Variants in CCP110 observed in about 807,000 individuals in gnomAD.
CCP110 encodes centriolar coiled-coil protein 110.
A neutral mutation model predicts 105.5 loss-of-function variants in CCP110; 43 were observed. The ratio of observed to expected loss-of-function variants is 0.41; its 90% CI spans 0.32 to 0.53. CCP110 has a LOEUF of 0.53. CCP110 is among the 20% of genes least tolerant of loss of function. CCP110 has a pLI of 0.32. For synonymous variants in CCP110, 353 were observed against 392.1 expected, an observed-to-expected ratio of 0.90 and a Z score of 1.18; for missense variants, 1,016 against 1,189.1, an observed-to-expected ratio of 0.85 and a Z score of 2.14.
exon 13 of CCP110, chr16:19,547,960 T>A: frequency 6.2e-7 from 1 of 1,609,498 alleles, no homozygotes; most frequent in Non-Finnish European, 8.5e-7. Context: ...AACAGAGTCC[T>A]TCAGCCAAAC....
exon 2 of CCP110, chr16:19,527,931 A>C: frequency 6.2e-7 from 1 of 1,613,782 alleles, no homozygotes; most frequent in Non-Finnish European, 8.5e-7. Context: ...AGAATACAAG[A>C]AGCATCACTA....
rs527360924 is a variant in CCP110 at position 19,535,399 on chromosome 16, G to A, written c.271-541G>A. ...TTTAGTTAAACTTTGGAGTAAGCAT[G>A]TAGGTGCAGGAGTCTTATTACTGAA... On this transcript the variant is annotated intron_variant, in intron 3 of 14. Coordinates refer to ENST00000381396, the Ensembl canonical transcript of CCP110. Among the ~76,000 whole-genome samples, 4 of 152,276 alleles carry A rather than the reference G, an allele frequency of 2.6e-5. No homozygotes were observed. In the South Asian group the frequency reaches 8.3e-4, roughly 32 times the overall value.
At chr16:19,536,622 C>A (rs1432314582) in exon 4 of CCP110, 1 of 1,614,154 alleles carries the variant, frequency 6.2e-7, no homozygotes. Context: ...CCAGTTTTAG[C>A]TAGCTTTTCG....
rs1280380693 is a variant in CCP110, at chr16:19,542,875, T to A, written c.2368-3T>A. 1 of 1,587,630 alleles carries A rather than the reference T, an allele frequency of 6.3e-7. No homozygotes were observed. ...AACATTGTGTCTGTCTTCTTTCTCC[T>A]AGGTTTTTAGTCTGGAAATACAAGC... On this transcript the variant is annotated splice_polypyrimidine_tract_variant and splice_region_variant and intron_variant, in intron 7 of 14. Coordinates refer to ENST00000381396, the Ensembl canonical transcript of CCP110.
At chr16:19,540,875 T>C (rs1444123939) in intron 5 of CCP110, 88 bp downstream of exon 5, 2 of 1,175,482 alleles carry the variant, frequency 1.7e-6, no homozygotes, top group Admixed American at 2.7e-5. Context: ...ATACGTGTAA[T>C]TTTTGCCTCC....
chr16:19,552,181 T>C (rs1366680889), exon 15 of CCP110: 2 of 152,194 alleles, frequency 1.3e-5, no homozygotes, highest in African/African-American at 2.4e-5. Context: ...GTTAAAATTC[T>C]GCATTGCTTA....
At chr16:19,524,485 G>C (rs1249895537) in intron 1 of CCP110, among the ~76,000 whole-genome samples, 1 of 152,116 alleles carries the variant, frequency 6.6e-6, no homozygotes, top group Non-Finnish European at 1.5e-5. Flanking sequence ...GGAGAGGGAG[G>C]CTTCCCCGGG....
At chr16:19,542,148 C>T in intron 6 of CCP110, 84 bp downstream of exon 6, 2 of 933,830 alleles carry the variant, frequency 2.1e-6, no homozygotes, top group Non-Finnish European at 3.2e-6. Flanking sequence ...ATTATATCTC[C>T]TGTTTTCAAA....
chr16:19,542,155 C>A, intron 6 of CCP110, 91 bp downstream of exon 6: 1 of 859,646 alleles, frequency 1.2e-6, no homozygotes, highest in South Asian at 2.0e-5. Flanking sequence ...CTCCTGTTTT[C>A]AAATGATTCC....
chr16:19,526,381 GA>G (rs1183183732), intron 1 of CCP110: 1 of 152,054 alleles, frequency 6.6e-6, no homozygotes, highest in African/African-American at 2.4e-5. Flanking sequence ...TAAAATATTT[GA>G]GCAGAAATGG....
At chr16:19,544,937 A>G in intron 9 of CCP110, 39 bp downstream of exon 9, 1 of 810,410 alleles carries the variant, frequency 1.2e-6, no homozygotes, top group Non-Finnish European at 1.9e-6. Context: ...AGACATGGAC[A>G]TATTATATTT....
intron 4 of CCP110, among the ~76,000 whole-genome samples, chr16:19,539,555 T>C (rs1009529618): frequency 3.3e-5 from 5 of 152,070 alleles, no homozygotes; most frequent in Middle Eastern, 3.4e-3. Flanking sequence ...GGTTTCACCA[T>C]GTTGGCCAGG....
At chr16:19,552,631 G>A (rs571904936) in exon 15 of CCP110, 3 of 151,950 alleles carry the variant, frequency 2.0e-5, no homozygotes, top group Admixed American at 1.3e-4. Flanking sequence ...TTCCAAAAAG[G>A]GCTTTGTGCT....
chr16:19,527,933 G>A (rs775233711), exon 2 of CCP110: 1 of 1,613,602 alleles, frequency 6.2e-7, no homozygotes, highest in Admixed American at 1.7e-5. Context: ...AATACAAGAA[G>A]CATCACTATC....
chr16:19,550,237 C>T (rs1356922030), intron 14 of CCP110, among the ~76,000 whole-genome samples: 1 of 151,714 alleles, frequency 6.6e-6, no homozygotes, highest in African/African-American at 2.4e-5. Flanking sequence ...CTGCAATCTC[C>T]ACCTCCTGGG....
exon 6 of CCP110, chr16:19,541,919 G>C (rs775061739): frequency 1.9e-6 from 3 of 1,598,594 alleles, no homozygotes; most frequent in Non-Finnish European, 2.6e-6. Context: ...TGTTAAAAGA[G>C]AAGAAGGCAA....
At chr16:19,535,915 T>C in intron 3 of CCP110, 25 bp from the exon 4 acceptor site, 2 of 1,461,554 alleles carry the variant, frequency 1.4e-6, no homozygotes, top group Non-Finnish European at 1.8e-6. Context: ...TGAGGAAATA[T>C]TAATTTTTAA....
intron 14 of CCP110, among the ~76,000 whole-genome samples, chr16:19,549,362 T>C (rs1443757295): frequency 6.6e-6 from 1 of 152,202 alleles, no homozygotes; most frequent in East Asian, 1.9e-4. Flanking sequence ...AGATTAAACC[T>C]TTAATCAATT....
chr16:19,546,739 CG>C lies in CCP110; in HGVS notation c.2840+268del, dbSNP rs537126587. On this transcript the variant is annotated intron_variant, in intron 12 of 14. Transcript: ENST00000381396. Reference sequence around the variant, plus strand: ...CTGAGGCAGGAGAATCGCTTGAACCCGGGAGGCAGAGGTTGCAGTGAGCCAA... The same window carrying C: ...CTGAGGCAGGAGAATCGCTTGAACCCGGAGGCAGAGGTTGCAGTGAGCCAA... 3.4e-3 allele frequency: 777 copies of C among 229,070 alleles called. 6 individuals are homozygous for C. Among genetic ancestry groups the C allele is most frequent in the African/African-American group, 0.016 (691 of 43,374 alleles). The allele number at this position is 229,070 out of a possible 1,614,324, so 14.2% of individuals were successfully genotyped here. A position where few individuals can be genotyped will look rare whatever the true frequency, so the allele number is the denominator to read the frequency against.
Sources: allele counts gnomAD v4.1 joint callset (sites outside exome capture counted in the v4.1 genomes callset), GRCh38; gene constraint gnomAD v4.1.1; transcripts MANE v1.5; gene names NCBI Gene and HGNC (gene_info 2026-07-23, HGNC 2026-07-21).